Variants in GNB5 observed in about 807,000 individuals in gnomAD.
GNB5 encodes the protein guanine nucleotide-binding protein subunit beta-5.
Under a neutral mutation model 55.3 loss-of-function variants are expected in GNB5, and 37 were observed. The ratio of observed to expected loss-of-function variants is 0.67; its 90% CI spans 0.51 to 0.88. The LOEUF (loss-of-function observed/expected upper bound fraction) is 0.88. Ranked by LOEUF, GNB5 falls within the 40% of genes least tolerant of loss-of-function variation. The pLI is 0.00. For synonymous variants in GNB5, 219 were observed against 198.5 expected (o/e 1.10, Z -0.87); for missense variants, 476 against 515.3 (o/e 0.92, Z 0.74).
At chr15:52,135,573 T>C in intron 8 of GNB5, 40 bp downstream of exon 8, 2 of 1,588,322 alleles carry the variant, frequency 1.3e-6, no homozygotes, top group Middle Eastern at 1.7e-4. Context: ...GCCTCCTTAG[T>C]GGACACAGGA....
chr15:52,141,309 A>G, intron 6 of GNB5, 37 bp from the exon 7 acceptor site: 1 of 1,593,028 alleles, frequency 6.3e-7, no homozygotes, highest in Non-Finnish European at 8.6e-7. Context: ...AGATTAATGC[A>G]GAGTCACAGA....
chr15:52,189,951 C>A (rs577027423), intron 1 of GNB5, among the ~76,000 whole-genome samples: 1 of 152,150 alleles, frequency 6.6e-6, no homozygotes, highest in East Asian at 1.9e-4. Flanking sequence ...GAGTGAGTGG[C>A]TGCTTAAGGG....
intron 11 of GNB5, chr15:52,125,683 T>G (rs988889078): frequency 1.3e-5 from 4 of 318,320 alleles, no homozygotes; most frequent in Non-Finnish European, 2.3e-5. Flanking sequence ...ATTGTGGAAG[T>G]GAATTTCTGA....
At chr15:52,129,294 T>A (rs942228774) in intron 9 of GNB5, among the ~76,000 whole-genome samples, 3 of 152,064 alleles carry the variant, frequency 2.0e-5, no homozygotes, top group Non-Finnish European at 2.9e-5. Flanking sequence ...ACCCTATAGT[T>A]CCACAAAAGC....
intron 5 of GNB5, 43 bp from the exon 6 acceptor site, chr15:52,147,578 A>C (rs754692858): frequency 1.1e-5 from 12 of 1,126,030 alleles, no homozygotes; most frequent in Non-Finnish European, 1.5e-5. Flanking sequence ...TTCCACACAA[A>C]AATCTTTTTT....
At chr15:52,147,406 C>G in intron 6 of GNB5, 53 bp downstream of exon 6, 1 of 982,220 alleles carries the variant, frequency 1.0e-6, no homozygotes, top group Non-Finnish European at 1.7e-6. Flanking sequence ...GCCAAGAGAA[C>G]AGTATTCTAT....
intron 2 of GNB5, 32 bp from the exon 3 acceptor site, chr15:52,179,911 G>A: frequency 4.7e-6 from 7 of 1,492,418 alleles, no homozygotes; most frequent in Non-Finnish European, 6.3e-6. Flanking sequence ...AGAGGGAAGC[G>A]GAGAGCGGGA....
intron 5 of GNB5, 47 bp from the exon 6 acceptor site, chr15:52,147,582 CT>C (rs751616514): frequency 0.056 from 41,962 of 748,094 alleles, 1 homozygote; most frequent in South Asian, 0.075. Context: ...ACACAAAAAT[CT>C]TTTTTTTTTT....
chr15:52,152,314 A>C (rs1192251172), intron 4 of GNB5, among the ~76,000 whole-genome samples: 2 of 151,926 alleles, frequency 1.3e-5, no homozygotes, highest in Non-Finnish European at 2.9e-5. Context: ...AATAGGATTT[A>C]TATAATATCT....
intron 7 of GNB5, among the ~76,000 whole-genome samples, chr15:52,138,260 G>A (rs1333494452): frequency 6.6e-6 from 1 of 151,724 alleles, no homozygotes; most frequent in Non-Finnish European, 1.5e-5. Context: ...GCTCACGCCT[G>A]TTGTCCCAGC....
chr15:52,117,102 A>ATTTATTTTTTTTTTTTTTTT lies in GNB5; in HGVS notation c.*5654_*5655insAAAAAAAAAAAAAAAATAAA. 1.1e-5 allele frequency: 1 copy of ATTTATTTTTTTTTTTTTTTT among 87,100 alleles called. No individual in the cohort carries two copies. Among genetic ancestry groups the ATTTATTTTTTTTTTTTTTTT allele is most frequent in the African/African-American group, 6.1e-5 (1 of 16,446 alleles). The allele number at this position is 87,100 out of a possible 1,614,324, so 5.4% of individuals were successfully genotyped here. ...CCACGCCCAGCTAATATATATATATATTTTTTTTTAGTACAGACAGGGTTT... is the reference window on the plus strand; with the variant it reads ...CCACGCCCAGCTAATATATATATATATTTATTTTTTTTTTTTTTTTTTTTTTTTTAGTACAGACAGGGTTT... On this transcript the variant is annotated 3_prime_UTR_variant, in exon 13 of 13. Transcript: ENST00000261837.
chr15:52,148,331 G>A (rs1171818275), intron 5 of GNB5, among the ~76,000 whole-genome samples: 1 of 152,206 alleles, frequency 6.6e-6, no homozygotes, highest in Non-Finnish European at 1.5e-5. Context: ...AATGGGTCAG[G>A]GGAGGGGAGG....
rs754436087 is a variant in GNB5 at position 52,141,214 on chromosome 15, C to T, written c.553G>A (p.Ala185Thr). 6.2e-7 allele frequency: 1 copy of T among 1,613,702 alleles called. No individual in the cohort carries two copies. The highest frequency in any genetic ancestry group is 1.3e-5 in the African/African-American group (1 of 74,880). The change falls in exon 7 of 13, where the codon GCT becomes ACT. Residue 185 changes from alanine to threonine, a missense_variant. By Grantham distance (58) the Ala-to-Thr change is moderately conservative (BLOSUM62 0). Transcript: ENST00000261837. ...PLTFDKNENMAAKKKSVAMHT... is the reference protein window; with the variant it reads ...PLTFDKNENMTAKKKSVAMHT... ...ATAGCAACAGACTTCTTTTTGGCAG[C>T]CATGTTTTCATTTTTGTCAAACGTC...
intron 3 of GNB5, among the ~76,000 whole-genome samples, chr15:52,166,269 A>G (rs1415102254): frequency 3.3e-5 from 5 of 152,228 alleles, no homozygotes; most frequent in Non-Finnish European, 7.3e-5. Flanking sequence ...CACTGGCAAC[A>G]TTAGACAGAT....
chr15:52,190,350 C>CTCA, intron 1 of GNB5, among the ~76,000 whole-genome samples: 1 of 152,156 alleles, frequency 6.6e-6, no homozygotes, highest in African/African-American at 2.4e-5. Flanking sequence ...ATCTCCTGAC[C>CTCA]TCATGATCTG....
chr15:52,128,742 A>G (rs537819835), intron 9 of GNB5: 4 of 457,508 alleles, frequency 8.7e-6, no homozygotes, highest in East Asian at 6.9e-5. Context: ...TGAAGATTAC[A>G]TAAGACAGTC....
At chr15:52,149,576 C>A in intron 5 of GNB5, 1 of 583,730 alleles carries the variant, frequency 1.7e-6, no homozygotes, top group Non-Finnish European at 3.0e-6. Context: ...ACTCAGAAGA[C>A]AAATAGTACA....
Position 52,120,998 on chromosome 15 carries a change from A to G in GNB5, c.*1759T>C, listed in dbSNP as rs1375981674. Reference sequence around the variant, plus strand: ...GAAAAGATGGCCTGGCTGATTTTGGACCGAGTGGCCCATCACGATACCTGA... The same window carrying G: ...GAAAAGATGGCCTGGCTGATTTTGGGCCGAGTGGCCCATCACGATACCTGA... On this transcript the variant is annotated 3_prime_UTR_variant, in exon 13 of 13. Transcript: ENST00000261837. 6.6e-6 allele frequency: 1 copy of G among 152,250 alleles called. No individual in the cohort carries two copies. Among genetic ancestry groups the G allele is most frequent in the Non-Finnish European group, 1.5e-5 (1 of 68,070 alleles). 9.4% of individuals were successfully genotyped at this position (152,250 alleles called of 1,614,324 possible).
chr15:52,147,387 T>C, intron 6 of GNB5, 72 bp downstream of exon 6: 1 of 875,272 alleles, frequency 1.1e-6, no homozygotes, highest in South Asian at 1.3e-5. Context: ...TTCTTGTTTG[T>C]TTGTTTTTGC....
Sources: allele counts gnomAD v4.1 joint callset (sites outside exome capture counted in the v4.1 genomes callset), GRCh38; gene constraint gnomAD v4.1.1; transcripts MANE v1.5; gene names NCBI Gene and HGNC (gene_info 2026-07-23, HGNC 2026-07-21).